LINGO2: variants seen among roughly 807,000 people sequenced by gnomAD.
The protein encoded by LINGO2 is leucine rich repeat and Ig domain containing 2.
LINGO2 carries 14 observed loss-of-function variants against 30.6 expected under a neutral mutation model. That is an observed-to-expected ratio of 0.46 (90% CI 0.30 to 0.72). The LOEUF (loss-of-function observed/expected upper bound fraction) is 0.72, where lower values mean the gene tolerates loss of function less well. Ranked by LOEUF, LINGO2 falls within the 30% of genes least tolerant of loss-of-function variation. The pLI is 0.07. For synonymous variants in LINGO2, 317 were observed against 288.5 expected (o/e 1.10, Z -1.00); for missense variants, 729 against 751.7 (o/e 0.97, Z 0.35).
the LINGO2 span, among the ~76,000 whole-genome samples, chr9:29,078,673 G>A: frequency 1.3e-5 from 2 of 151,882 alleles, no homozygotes; most frequent in Non-Finnish European, 2.9e-5. Context: ...CCAACCAAGT[G>A]CTTGTCAAAT....
At chr9:28,007,915 A>C (rs546185816) in intron 5 of LINGO2, among the ~76,000 whole-genome samples, 359 of 152,252 alleles carry the variant, frequency 2.4e-3, no homozygotes, top group Non-Finnish European at 4.5e-3. Context: ...AAACAAGCCT[A>C]ATGTTCAAAA....
the LINGO2 span, among the ~76,000 whole-genome samples, chr9:28,699,070 A>AACAAAACAAC: frequency 4.6e-5 from 7 of 151,570 alleles, no homozygotes; most frequent in African/African-American, 1.5e-4. Flanking sequence ...AACAAAACAA[A>AACAAAACAAC]ACAACAAAAA....
intron 1 of LINGO2, among the ~76,000 whole-genome samples, chr9:28,667,471 C>T (rs760093896): frequency 5.9e-5 from 9 of 152,134 alleles, no homozygotes; most frequent in Non-Finnish European, 8.8e-5. Flanking sequence ...CCACTGGGCA[C>T]GGTGGCTCAC....
intron 4 of LINGO2, among the ~76,000 whole-genome samples, chr9:28,050,285 G>A (rs956719881): frequency 6.6e-6 from 1 of 150,712 alleles, no homozygotes; most frequent in Non-Finnish European, 1.5e-5. Flanking sequence ...CTTCCTGTCT[G>A]TAAGGAACTC....
chr9:28,753,963 A>G, the LINGO2 span, among the ~76,000 whole-genome samples: 1 of 151,258 alleles, frequency 6.6e-6, no homozygotes, highest in Non-Finnish European at 1.5e-5. Context: ...ATGAATTTTG[A>G]TTTTTTTCCA....
intron 2 of LINGO2, among the ~76,000 whole-genome samples, chr9:28,397,774 C>G (rs889164935): frequency 5.3e-5 from 8 of 152,074 alleles, no homozygotes; most frequent in African/African-American, 1.9e-4. Flanking sequence ...GTCTTGATCT[C>G]CTGACCTCGT....
chr9:27,965,748 A>C (rs572258417), intron 5 of LINGO2, among the ~76,000 whole-genome samples: 54 of 152,208 alleles, frequency 3.5e-4, no homozygotes, highest in Non-Finnish European at 5.7e-4. Flanking sequence ...TAGTATGCCT[A>C]TTCTACTTAA....
At chr9:29,014,980 G>C in the LINGO2 span, among the ~76,000 whole-genome samples, 1 of 152,046 alleles carries the variant, frequency 6.6e-6, no homozygotes, top group Non-Finnish European at 1.5e-5. Flanking sequence ...TTACTGTCCT[G>C]GCTACACTTT....
At chr9:28,649,928 CAG>C (rs985447071) in intron 1 of LINGO2, among the ~76,000 whole-genome samples, 1 of 151,780 alleles carries the variant, frequency 6.6e-6, no homozygotes, top group African/African-American at 2.4e-5. Flanking sequence ...TGTTATTCTA[CAG>C]AGTTTGGTCA....
At chr9:29,187,969 C>T in the LINGO2 span, among the ~76,000 whole-genome samples, 4 of 143,714 alleles carry the variant, frequency 2.8e-5, no homozygotes, top group African/African-American at 5.2e-5. Context: ...TTTTTTTTTT[C>T]CAAATAAAAA....
chr9:28,775,873 G>T, the LINGO2 span, among the ~76,000 whole-genome samples: 13 of 152,114 alleles, frequency 8.5e-5, no homozygotes. Flanking sequence ...TGAGACCCTA[G>T]TGGTGACATC....
the LINGO2 span, among the ~76,000 whole-genome samples, chr9:29,109,890 A>T: frequency 6.6e-6 from 1 of 152,238 alleles, no homozygotes; most frequent in Admixed American, 6.5e-5. Flanking sequence ...ATCTTTCAGC[A>T]AATGGCCAAG....
chr9:28,812,906 C>T, the LINGO2 span, among the ~76,000 whole-genome samples: 2 of 152,062 alleles, frequency 1.3e-5, no homozygotes, highest in Non-Finnish European at 2.9e-5. Flanking sequence ...AACCCTGGCT[C>T]CTATGCTAAG....
intron 4 of LINGO2, among the ~76,000 whole-genome samples, chr9:28,241,282 A>AG (rs1178992440): frequency 2.8e-4 from 16 of 57,564 alleles, no homozygotes; most frequent in Admixed American, 1.1e-3. Flanking sequence ...AAAAAAAAAA[A>AG]AAAAAAAAAA....
intron 1 of LINGO2, among the ~76,000 whole-genome samples, chr9:28,576,292 G>A (rs1823984120): frequency 1.3e-5 from 2 of 152,044 alleles, no homozygotes; most frequent in Admixed American, 6.6e-5. Flanking sequence ...ATTAGACAGA[G>A]GAAAGATCAA....
the LINGO2 span, among the ~76,000 whole-genome samples, chr9:28,944,151 C>T: frequency 6.6e-6 from 1 of 152,182 alleles, no homozygotes. Context: ...TTATCTTTGT[C>T]TGTATGATAC....
chr9:29,077,282 C>G, the LINGO2 span, among the ~76,000 whole-genome samples: 1 of 151,896 alleles, frequency 6.6e-6, no homozygotes, highest in African/African-American at 2.4e-5. Flanking sequence ...AATCATGAAG[C>G]TGAAAACTAG....
chr9:28,855,439 T>C, the LINGO2 span, among the ~76,000 whole-genome samples: 1 of 152,046 alleles, frequency 6.6e-6, no homozygotes, highest in Non-Finnish European at 1.5e-5. Flanking sequence ...TCAATATGTC[T>C]AGATCTTAGT....
At chr9:28,622,951 C>T (rs995596733) in intron 1 of LINGO2, among the ~76,000 whole-genome samples, 2 of 151,978 alleles carry the variant, frequency 1.3e-5, no homozygotes, top group Non-Finnish European at 2.9e-5. Flanking sequence ...TGATGTCAAG[C>T]ACCTTATTAT....
Sources: allele counts gnomAD v4.1 joint callset (sites outside exome capture counted in the v4.1 genomes callset), GRCh38; gene constraint gnomAD v4.1.1; transcripts MANE v1.5; gene names NCBI Gene and HGNC (gene_info 2026-07-23, HGNC 2026-07-21).